CTTNBP2: variants seen among roughly 807,000 people sequenced by gnomAD.
CTTNBP2 encodes cortactin-binding protein 2.
A neutral mutation model predicts 156.9 loss-of-function variants in CTTNBP2; 108 were observed. The observed-to-expected ratio is 0.69, with a 90% CI of 0.59 to 0.81. The LOEUF (loss-of-function observed/expected upper bound fraction) is 0.81, where lower values mean the gene tolerates loss of function less well. Ranked by LOEUF, CTTNBP2 falls within the 30% of genes least tolerant of loss-of-function variation. The probability of loss-of-function intolerance (pLI) is 0.00; values close to 1 mark genes in which losing one functional copy is unlikely to be tolerated. For synonymous variants in CTTNBP2, 767 were observed against 751.8 expected (o/e 1.02, Z -0.33); for missense variants, 1,924 against 2,035.4 (o/e 0.95, Z 1.05).
intron 3 of CTTNBP2, among the ~76,000 whole-genome samples, chr7:117,796,167 C>G (rs1055245385): frequency 6.6e-6 from 1 of 152,204 alleles, no homozygotes; most frequent in Non-Finnish European, 1.5e-5. Flanking sequence ...TTTCCATCTG[C>G]TCAGTGTTGG....
At chr7:117,826,444 A>C (rs1009595485) in intron 2 of CTTNBP2, among the ~76,000 whole-genome samples, 41 of 152,152 alleles carry the variant, frequency 2.7e-4, no homozygotes, top group Non-Finnish European at 4.0e-4. Context: ...TTTAGGAAAA[A>C]AAGATATACC....
At chr7:117,719,778 T>C (rs1371120887) in intron 20 of CTTNBP2, 142 bp from the exon 21 acceptor site, 2 of 569,286 alleles carry the variant, frequency 3.5e-6, no homozygotes, top group Non-Finnish European at 5.8e-6. Flanking sequence ...TAAATGTCAT[T>C]TAATGCAAGA....
Position 117,735,080 on chromosome 7 carries a change from A to G in CTTNBP2, c.3709T>C (p.Tyr1237His), listed in dbSNP as rs944856056. 2 of 1,613,874 alleles carry G rather than the reference A, an allele frequency of 1.2e-6. No individual in the cohort carries two copies. Among genetic ancestry groups the G allele is most frequent in the Non-Finnish European group, 8.5e-7 (1 of 1,179,890 alleles). Residue 1237 changes from tyrosine (Y) to histidine (H), a missense_variant, in exon 16 of 23, where the codon TAT becomes CAT. Physicochemically the swap from Tyr to His is moderately conservative, Grantham distance 83. Transcript: ENST00000160373. The part of the protein sequence containing the change: ...FQKGNGLSEC[Y>H]YFHENCFLMG... The stretch of plus-strand genomic sequence containing the variant: ...AGAAAGCAGTTCTCATGAAAGTAAT[A>G]ACATTCGGACAGTCCATTTCCTGAA...
At position 117,780,596 on chromosome 7, in the gene CTTNBP2, A is replaced by G. The variant is rs1798371747; in HGVS notation, c.2373-5T>C. 1 of 1,552,156 alleles carries G rather than the reference A, an allele frequency of 6.4e-7. No individual in the cohort carries two copies. Among genetic ancestry groups the G allele is most frequent in the African/African-American group, 1.4e-5 (1 of 71,772 alleles). On this transcript the variant is annotated splice_region_variant and splice_polypyrimidine_tract_variant and intron_variant, in intron 6 of 22. Transcript: ENST00000160373. ...GAAATTAATAATTCTACACACCTAA[A>G]CACAAGATTAGGATTAATTACATAA...
intron 2 of CTTNBP2, among the ~76,000 whole-genome samples, chr7:117,818,758 T>C (rs1800774914): frequency 6.6e-6 from 1 of 152,172 alleles, no homozygotes; most frequent in Non-Finnish European, 1.5e-5. Flanking sequence ...GGAAAAGCCT[T>C]CCAGATGGTA....
At chr7:117,811,277 TA>T (rs1800261741) in intron 2 of CTTNBP2, among the ~76,000 whole-genome samples, 1 of 152,138 alleles carries the variant, frequency 6.6e-6, no homozygotes, top group African/African-American at 2.4e-5. Context: ...GATCAGAATT[TA>T]AGCAGCAGTC....
chr7:117,872,690 C>A (rs1804697455), intron 1 of CTTNBP2, among the ~76,000 whole-genome samples: 1 of 152,184 alleles, frequency 6.6e-6, no homozygotes, highest in Non-Finnish European at 1.5e-5. Flanking sequence ...ACCAATCCAT[C>A]CACCCCACCC....
At position 117,810,985 on chromosome 7, in the gene CTTNBP2, C is replaced by A. The variant is rs777733170; in HGVS notation, c.194G>T (p.Arg65Leu). 1 of 1,608,986 alleles carries A rather than the reference C, an allele frequency of 6.2e-7. No individual in the cohort carries two copies. Among genetic ancestry groups the A allele is most frequent in the East Asian group, 2.2e-5 (1 of 44,834 alleles). ...TTCCTGGATAAATACCTCCTTCCTG[C>A]GAGCCTGGAACAAAATTAGAGAAAT... ...RDLVIEALRA[R>L]RKEVFIQERY... The change falls in exon 3 of 23, where the codon CGC becomes CTC. Residue 65 changes from arginine (R) to leucine (L), a missense_variant. Physicochemically the swap from Arg to Leu is moderately radical, Grantham distance 102. Coordinates refer to ENST00000160373, the MANE Select transcript of CTTNBP2 (RefSeq NM_033427.3).
intron 22 of CTTNBP2, among the ~76,000 whole-genome samples, chr7:117,717,651 A>ATAGTG (rs1332260587): frequency 6.6e-6 from 1 of 152,028 alleles, no homozygotes; most frequent in African/African-American, 2.4e-5. Flanking sequence ...TTGAAGGAAT[A>ATAGTG]TAGTGTATAT....
At chr7:117,814,492 C>G (rs1281764758) in intron 2 of CTTNBP2, among the ~76,000 whole-genome samples, 1 of 152,102 alleles carries the variant, frequency 6.6e-6, no homozygotes, top group Non-Finnish European at 1.5e-5. Flanking sequence ...GTGGCGTGAT[C>G]ACGGCTCACT....
chr7:117,755,540 T>G (rs1266545419), intron 12 of CTTNBP2: 1 of 470,446 alleles, frequency 2.1e-6, no homozygotes, highest in Non-Finnish European at 4.4e-6. Context: ...TGCATGACTT[T>G]GAGCATTTTA....
Position 117,711,766 on chromosome 7 carries a change from C to CT in CTTNBP2, c.4762dup (p.Ser1588LysfsTer7). ...GCTGCATTCAGTAGTTTGATGGCTG[C>CT]TGAGAGGACTGACCTCCTGTAAGAG... On this transcript the variant is annotated frameshift_variant, in exon 23 of 23. Transcript: ENST00000160373. LOFTEE classifies it high-confidence loss of function. The CT allele has an allele frequency of 6.2e-7, 1 of 1,612,514 alleles. No individual in the cohort carries two copies. The highest frequency in any genetic ancestry group is 8.5e-7 in the Non-Finnish European group (1 of 1,178,974).
intron 2 of CTTNBP2, among the ~76,000 whole-genome samples, chr7:117,825,122 T>C (rs970751039): frequency 6.6e-6 from 1 of 152,186 alleles, no homozygotes; most frequent in East Asian, 1.9e-4. Context: ...CAAATGTACA[T>C]TTCATTGCTC....
intron 3 of CTTNBP2, among the ~76,000 whole-genome samples, chr7:117,809,928 C>T (rs980938143): frequency 3.3e-5 from 5 of 152,196 alleles, no homozygotes; most frequent in Admixed American, 3.3e-4. Context: ...AATCAAACCA[C>T]ACAGCATGAG....
chr7:117,760,337 A>C, intron 10 of CTTNBP2, 98 bp downstream of exon 10: 1 of 1,205,192 alleles, frequency 8.3e-7, no homozygotes, highest in Non-Finnish European at 1.2e-6. Context: ...TAAGCTTTGA[A>C]TGTGCTTAAT....
At chr7:117,770,660 T>C (rs897728189) in intron 8 of CTTNBP2, among the ~76,000 whole-genome samples, 21 of 152,210 alleles carry the variant, frequency 1.4e-4, no homozygotes, top group African/African-American at 4.6e-4. Context: ...AAGTTCCATG[T>C]CTCAGGGAGG....
intron 17 of CTTNBP2, 132 bp downstream of exon 17, chr7:117,727,957 C>G: frequency 1.3e-6 from 1 of 767,992 alleles, no homozygotes. Context: ...TCTGAAAGAG[C>G]AGAGAGCACT....
chr7:117,785,959 T>C (rs1798682445), intron 4 of CTTNBP2, among the ~76,000 whole-genome samples: 1 of 152,222 alleles, frequency 6.6e-6, no homozygotes, highest in Admixed American at 6.5e-5. Context: ...AACAGATGGA[T>C]GTTTTATACT....
intron 22 of CTTNBP2, chr7:117,713,837 T>A (rs1794190205): frequency 6.6e-6 from 1 of 152,186 alleles, no homozygotes; most frequent in African/African-American, 2.4e-5. Context: ...AATATATACT[T>A]GGCTAGTGGT....
Sources: gnomAD v4.1 joint callset for allele counts (sites outside exome capture counted in the v4.1 genomes callset) on GRCh38, gnomAD v4.1.1 for gene constraint, MANE v1.5 for transcripts, NCBI Gene and HGNC (gene_info 2026-07-23, HGNC 2026-07-21) for gene names.